The following NAALADL2 variants were observed in gnomAD, a reference collection of about 807,000 sequenced individuals.
The protein encoded by NAALADL2 is inactive N-acetylated-alpha-linked acidic dipeptidase-like protein 2.
NAALADL2 carries 76 observed loss-of-function variants against 87.2 expected under a neutral mutation model. That is an observed-to-expected ratio of 0.87 (90% confidence interval 0.72 to 1.05). The LOEUF (loss-of-function observed/expected upper bound fraction) is 1.05, where lower values mean the gene tolerates loss of function less well. Among genes scored for constraint, NAALADL2 ranks in the 50% least tolerant of loss-of-function variants. The probability of loss-of-function intolerance (pLI) is 0.00; values close to 1 mark genes in which losing one functional copy is unlikely to be tolerated. For synonymous variants in NAALADL2, 354 were observed against 331.0 expected (o/e 1.07, Z -0.75); for missense variants, 1,089 against 945.8 (o/e 1.15, Z -1.99).
At chr3:175,187,816 C>CAT (rs1737571193) in intron 2 of NAALADL2, among the ~76,000 whole-genome samples, 1 of 152,048 alleles carries the variant, frequency 6.6e-6, no homozygotes, top group South Asian at 2.1e-4. Flanking sequence ...GCTCTAAGTG[C>CAT]AATGAAGTGA....
At chr3:175,160,328 A>T (rs1171254904) in intron 2 of NAALADL2, among the ~76,000 whole-genome samples, 1 of 149,522 alleles carries the variant, frequency 6.7e-6, no homozygotes, top group Admixed American at 6.7e-5. Flanking sequence ...GTAAAATTTT[A>T]AAAATATATA....
At chr3:174,883,763 T>G (rs752077036) in intron 1 of NAALADL2, among the ~76,000 whole-genome samples, 1 of 152,206 alleles carries the variant, frequency 6.6e-6, no homozygotes, top group Admixed American at 6.5e-5. Context: ...CAGGTTGTGG[T>G]TTTTCTCCTG....
chr3:174,758,608 T>C (rs879325012), intron 3 of NAALADL2, among the ~76,000 whole-genome samples: 3 of 152,212 alleles, frequency 2.0e-5, no homozygotes, highest in Non-Finnish European at 2.9e-5. Context: ...CCTTCCCAGT[T>C]TTGCCTTAGG....
intron 1 of NAALADL2, among the ~76,000 whole-genome samples, chr3:175,060,346 C>T (rs987317420): frequency 5.9e-5 from 9 of 152,176 alleles, no homozygotes; most frequent in African/African-American, 2.2e-4. Context: ...AGAATTTCAT[C>T]CACATGTTCC....
intron 11 of NAALADL2, among the ~76,000 whole-genome samples, chr3:175,700,118 G>A (rs376480737): frequency 5.9e-5 from 9 of 152,220 alleles, no homozygotes; most frequent in African/African-American, 1.4e-4. Context: ...GAGAGCAGAC[G>A]TTAAAGTATC....
intron 9 of NAALADL2, among the ~76,000 whole-genome samples, chr3:175,478,577 A>T (rs145251781): frequency 2.0e-5 from 3 of 152,058 alleles, no homozygotes; most frequent in African/African-American, 7.2e-5. Flanking sequence ...TATGTAACCA[A>T]AAAGAAATCC....
intron 10 of NAALADL2, among the ~76,000 whole-genome samples, chr3:175,600,819 G>A (rs1560829491): frequency 1.3e-5 from 2 of 152,046 alleles, no homozygotes; most frequent in Non-Finnish European, 2.9e-5. Context: ...TTACAGGCGT[G>A]AGCCACCGCG....
chr3:175,491,786 T>A (rs554491534), intron 9 of NAALADL2, among the ~76,000 whole-genome samples: 8 of 152,268 alleles, frequency 5.3e-5, no homozygotes, highest in Admixed American at 3.3e-4. Flanking sequence ...ACCTACAATC[T>A]ATCTCCATCT....
At chr3:175,599,244 A>T (rs1473957637) in intron 10 of NAALADL2, among the ~76,000 whole-genome samples, 2 of 152,146 alleles carry the variant, frequency 1.3e-5, no homozygotes, top group African/African-American at 4.8e-5. Context: ...ATCCTGTCAC[A>T]TAGGAATCAT....
chr3:175,201,526 T>A (rs1740022714), intron 2 of NAALADL2, among the ~76,000 whole-genome samples: 1 of 152,154 alleles, frequency 6.6e-6, no homozygotes, highest in South Asian at 2.1e-4. Context: ...AGATTATACA[T>A]ATGAAAAACA....
intron 11 of NAALADL2, among the ~76,000 whole-genome samples, chr3:175,691,605 C>T (rs1047117777): frequency 6.6e-6 from 1 of 151,768 alleles, no homozygotes; most frequent in East Asian, 1.9e-4. Context: ...AATCTCTTTC[C>T]TAATTGTGTA....
chr3:174,607,923 T>A lies in NAALADL2; in HGVS notation c.-115+57286T>A, dbSNP rs1433544546. Among the ~76,000 whole-genome samples, 4 of 151,704 alleles carry A rather than the reference T, an allele frequency of 2.6e-5. No individual in the cohort carries two copies. In the South Asian group the frequency reaches 6.3e-4, roughly 24 times the overall value. On this transcript the variant is annotated intron_variant, in intron 2 of 3. Coordinates refer to the NAALADL2 transcript ENST00000434257. ...TTGACCACATACTTGGAAGTAAAGCTCTCCTCAGCAAATGTAAAAGAACAG... is the reference window on the plus strand; with the variant it reads ...TTGACCACATACTTGGAAGTAAAGCACTCCTCAGCAAATGTAAAAGAACAG...
intron 1 of NAALADL2, among the ~76,000 whole-genome samples, chr3:174,985,551 C>A (rs1345656684): frequency 4.6e-5 from 7 of 152,158 alleles, no homozygotes; most frequent in Admixed American, 2.0e-4. Context: ...GATAACATGT[C>A]TGTGTGAACG....
At chr3:175,700,264 C>T (rs765064211) in intron 11 of NAALADL2, among the ~76,000 whole-genome samples, 16 of 152,014 alleles carry the variant, frequency 1.1e-4, no homozygotes, top group African/African-American at 3.4e-4. Flanking sequence ...CAGTTGAGGC[C>T]GTTGATTGGA....
At chr3:175,087,338 C>T (rs892508723) in intron 1 of NAALADL2, among the ~76,000 whole-genome samples, 1 of 152,188 alleles carries the variant, frequency 6.6e-6, no homozygotes, top group African/African-American at 2.4e-5. Flanking sequence ...GTTGGGGGCG[C>T]CTCTGCACGG....
intron 4 of NAALADL2, among the ~76,000 whole-genome samples, chr3:175,289,072 G>A (rs936741145): frequency 6.6e-6 from 1 of 151,926 alleles, no homozygotes; most frequent in African/African-American, 2.4e-5. Flanking sequence ...TCTTTTGTAT[G>A]GTTTATGTAA....
intron 4 of NAALADL2, among the ~76,000 whole-genome samples, chr3:175,287,533 TAACTTGCCCAGGTTACAC>T (rs1314185565): frequency 1.3e-5 from 2 of 152,220 alleles, no homozygotes; most frequent in Non-Finnish European, 2.9e-5. Flanking sequence ...AGAGGTTACA[TAACTTGCCCAGGTTACAC>T]AGATGATGAC....
intron 11 of NAALADL2, among the ~76,000 whole-genome samples, chr3:175,628,366 C>T (rs1727288379): frequency 6.6e-6 from 1 of 151,498 alleles, no homozygotes. Context: ...GTATTTTCAA[C>T]TTATCATGGA....
chr3:175,233,995 T>G lies in NAALADL2; in HGVS notation c.610T>G (p.Trp204Gly), dbSNP rs1475240641. 6.2e-7 allele frequency: 1 copy of G among 1,611,116 alleles called. No individual in the cohort carries two copies. Among genetic ancestry groups the G allele is most frequent in the Non-Finnish European group, 8.5e-7 (1 of 1,177,416 alleles). ...MEISKKIKTQ[W>G]TSLGLEDVQF... The stretch of plus-strand genomic sequence containing the variant: ...AATTTCAAAGAAGATTAAGACTCAG[T>G]GGACCTCTTTGGGCCTAGAAGATGT... Residue 204 changes from tryptophan to glycine, a missense_variant, in exon 3 of 14, where the codon TGG becomes GGG. Coordinates refer to ENST00000454872, the MANE Select transcript of NAALADL2 (RefSeq NM_207015.3).
Sources: gnomAD v4.1 joint callset for allele counts (sites outside exome capture counted in the v4.1 genomes callset) on GRCh38, gnomAD v4.1.1 for gene constraint, MANE v1.5 for transcripts, NCBI Gene and HGNC (gene_info 2026-07-23, HGNC 2026-07-21) for gene names.